MAP3K20: variants seen among roughly 807,000 people sequenced by gnomAD.
MAP3K20 encodes the protein HCCS-4.
MAP3K20 carries 40 observed loss-of-function variants against 85.7 expected under a neutral mutation model. The ratio of observed to expected loss-of-function variants is 0.47; its 90% CI spans 0.36 to 0.61. The LOEUF (loss-of-function observed/expected upper bound fraction) is 0.61. Ranked by LOEUF, MAP3K20 falls within the 20% of genes least tolerant of loss-of-function variation. MAP3K20 has a pLI of 0.00. For missense variants in MAP3K20, 817 were observed against 961.7 expected, an observed-to-expected ratio of 0.85 and a Z score of 1.99; for synonymous variants, 325 against 327.7, an observed-to-expected ratio of 0.99 and a Z score of 0.09.
intron 3 of MAP3K20, among the ~76,000 whole-genome samples, chr2:173,173,853 A>T (rs1690077890): frequency 6.6e-6 from 1 of 152,222 alleles, no homozygotes; most frequent in Non-Finnish European, 1.5e-5. Context: ...GCCAGCTATT[A>T]TCACCGTAAA....
intron 2 of MAP3K20, among the ~76,000 whole-genome samples, chr2:173,122,604 T>G (rs1323232402): frequency 6.6e-6 from 1 of 152,166 alleles, no homozygotes; most frequent in Admixed American, 6.5e-5. Flanking sequence ...GGCCTAGAAC[T>G]GGGTGTGATT....
chr2:173,232,529 A>C (rs1394846023), intron 14 of MAP3K20, 70 bp downstream of exon 14: 5 of 1,577,476 alleles, frequency 3.2e-6, no homozygotes, highest in Admixed American at 3.6e-5. Context: ...TTTGAGGCAG[A>C]GTCTTGCTCT....
chr2:173,084,899 A>G (rs1687105275), intron 1 of MAP3K20, among the ~76,000 whole-genome samples: 1 of 152,218 alleles, frequency 6.6e-6, no homozygotes, highest in South Asian at 2.1e-4. Flanking sequence ...TGCCTTGCCC[A>G]AGTAGCTAAT....
At chr2:173,087,896 C>G (rs371637235) in intron 1 of MAP3K20, among the ~76,000 whole-genome samples, 6 of 152,036 alleles carry the variant, frequency 3.9e-5, no homozygotes, top group Non-Finnish European at 2.9e-5. Flanking sequence ...AGGGAAGATG[C>G]GAAATCCAAA....
chr2:173,085,141 A>C (rs143075217), intron 1 of MAP3K20, among the ~76,000 whole-genome samples: 6 of 152,366 alleles, frequency 3.9e-5, no homozygotes, highest in African/African-American at 1.4e-4. Context: ...TGTTAAAGTT[A>C]CCGAGAGGTG....
intron 2 of MAP3K20, among the ~76,000 whole-genome samples, chr2:173,140,797 G>A (rs930208463): frequency 4.0e-5 from 6 of 151,798 alleles, no homozygotes; most frequent in Non-Finnish European, 1.5e-5. Flanking sequence ...GAATGTACGT[G>A]TATGACAAAA....
intron 14 of MAP3K20, 139 bp downstream of exon 14, chr2:173,232,598 G>T (rs888504602): frequency 3.9e-6 from 5 of 1,294,922 alleles, no homozygotes; most frequent in Non-Finnish European, 5.3e-6. Flanking sequence ...CCGCCTCCTG[G>T]GTTCAAGTGA....
chr2:173,110,542 C>T (rs1472683971), intron 2 of MAP3K20, among the ~76,000 whole-genome samples: 3 of 151,750 alleles, frequency 2.0e-5, no homozygotes, highest in South Asian at 2.1e-4. Flanking sequence ...ATACACTGCA[C>T]CATATTTGTA....
intron 1 of MAP3K20, among the ~76,000 whole-genome samples, chr2:173,079,154 C>A (rs180816147): frequency 6.6e-6 from 1 of 152,164 alleles, no homozygotes; most frequent in Non-Finnish European, 1.5e-5. Flanking sequence ...TGAGATAGTC[C>A]GTTGCTCCTA....
chr2:173,165,989 A>G (rs1482314834), intron 2 of MAP3K20, among the ~76,000 whole-genome samples: 2 of 152,166 alleles, frequency 1.3e-5, no homozygotes, highest in Non-Finnish European at 2.9e-5. Flanking sequence ...GGCATTTATT[A>G]TAGTCACAGT....
intron 11 of MAP3K20, chr2:173,221,369 A>C: frequency 6.2e-7 from 1 of 1,614,144 alleles, no homozygotes; most frequent in Non-Finnish European, 8.5e-7. Flanking sequence ...GATGCAGATA[A>C]ACATGCAAGC....
chr2:173,241,341 AGTG>A (rs1684779274), intron 16 of MAP3K20, among the ~76,000 whole-genome samples: 1 of 152,212 alleles, frequency 6.6e-6, no homozygotes, highest in Non-Finnish European at 1.5e-5. Context: ...GACTGGGCGC[AGTG>A]AATCACACCT....
chr2:173,132,432 C>T (rs544600162), intron 2 of MAP3K20, among the ~76,000 whole-genome samples: 5 of 152,258 alleles, frequency 3.3e-5, no homozygotes, highest in African/African-American at 1.2e-4. Flanking sequence ...GAATCCTCTC[C>T]GAATGAGCAG....
At chr2:173,184,364 GCA>G (rs1326542288) in intron 4 of MAP3K20, among the ~76,000 whole-genome samples, 1 of 152,166 alleles carries the variant, frequency 6.6e-6, no homozygotes, top group Non-Finnish European at 1.5e-5. Context: ...TACTTTATTG[GCA>G]CTTAGAATAG....
chr2:173,213,368 C>T (rs943579773), intron 10 of MAP3K20, among the ~76,000 whole-genome samples: 6 of 152,158 alleles, frequency 3.9e-5, no homozygotes, highest in African/African-American at 1.2e-4. Flanking sequence ...GTTCTGAGAG[C>T]TGGAGAGAGA....
intron 2 of MAP3K20, among the ~76,000 whole-genome samples, chr2:173,096,344 CTTTT>C (rs11389136): frequency 6.9e-6 from 1 of 144,614 alleles, no homozygotes; most frequent in Non-Finnish European, 1.5e-5. Flanking sequence ...TTCTTTTTTC[CTTTT>C]TTTTTTTTTG....
intron 17 of MAP3K20, among the ~76,000 whole-genome samples, chr2:173,259,041 CGTTT>C (rs1685226926): frequency 6.6e-6 from 1 of 151,956 alleles, no homozygotes; most frequent in South Asian, 2.1e-4. Flanking sequence ...AAAAAGGTAT[CGTTT>C]AATTTTTTTT....
At chr2:173,224,590 A>G in intron 11 of MAP3K20, 1 of 985,366 alleles carries the variant, frequency 1.0e-6, no homozygotes, top group Non-Finnish European at 1.2e-6. Flanking sequence ...CCAAGAACCT[A>G]AAAGGAATTA....
chr2:173,252,893 T>G (rs1010973937), intron 16 of MAP3K20, among the ~76,000 whole-genome samples: 1 of 152,234 alleles, frequency 6.6e-6, no homozygotes, highest in Admixed American at 6.5e-5. Context: ...TCAGGATATG[T>G]GGAAGCAGGG....
Sources: gnomAD v4.1 joint callset for allele counts (sites outside exome capture counted in the v4.1 genomes callset) on GRCh38, gnomAD v4.1.1 for gene constraint, MANE v1.5 for transcripts, NCBI Gene and HGNC (gene_info 2026-07-23, HGNC 2026-07-21) for gene names.